DCT: variants seen among roughly 807,000 people sequenced by gnomAD.
The protein encoded by DCT is L-dopachrome tautomerase.
Under a neutral mutation model 53.0 loss-of-function variants are expected in DCT, and 47 were observed. That is an observed-to-expected ratio of 0.89 (90% CI 0.70 to 1.13). DCT has a LOEUF of 1.13. Among genes scored for constraint, DCT ranks in the 50% most tolerant of loss-of-function variants. The pLI, the probability that DCT is intolerant of heterozygous loss-of-function variation, is 0.00. For missense variants in DCT, 669 were observed against 637.4 expected (o/e 1.05, Z -0.53); for synonymous variants, 244 against 237.0 (o/e 1.03, Z -0.27).
intron 5 of DCT, among the ~76,000 whole-genome samples, 153 bp downstream of exon 5, chr13:94,461,857 C>A (rs1883810957): frequency 6.6e-6 from 1 of 152,110 alleles, no homozygotes. Context: ...TTTCCTCACA[C>A]CAATCCCTTG....
At chr13:94,523,773 A>T in the DCT span, among the ~76,000 whole-genome samples, 4 of 152,048 alleles carry the variant, frequency 2.6e-5, no homozygotes, top group East Asian at 7.7e-4. Context: ...ACACCCCCAC[A>T]TAAGCCCCCA....
intron 1 of DCT, among the ~76,000 whole-genome samples, chr13:94,478,206 G>A (rs1281667759): frequency 1.6e-5 from 2 of 123,332 alleles, no homozygotes; most frequent in Admixed American, 1.2e-4. Context: ...GCCACGTCTC[G>A]ACAATTTTGT....
chr13:94,472,274 A>G (rs1202921055), intron 1 of DCT, among the ~76,000 whole-genome samples: 1 of 151,772 alleles, frequency 6.6e-6, no homozygotes, highest in East Asian at 1.9e-4. Context: ...AAAGGTAGCC[A>G]ACACTAAACA....
At chr13:94,511,605 T>C in the DCT span, among the ~76,000 whole-genome samples, 1 of 151,944 alleles carries the variant, frequency 6.6e-6, no homozygotes, top group Admixed American at 6.6e-5. Flanking sequence ...AGTGATCCAC[T>C]TGCCTTGCCC....
At chr13:94,483,789 C>T (rs1885547074), upstream of DCT, among the ~76,000 whole-genome samples, 1 of 152,166 alleles carries the variant, frequency 6.6e-6, no homozygotes, top group Non-Finnish European at 1.5e-5. Context: ...CAGGTGTGAG[C>T]CACCGTGCCC....
At chr13:94,504,464 T>C in the DCT span, among the ~76,000 whole-genome samples, 76 of 152,284 alleles carry the variant, frequency 5.0e-4, no homozygotes, top group African/African-American at 1.6e-3. Context: ...ACCTCCCAGG[T>C]TCCAGTGATT....
At chr13:94,487,111 A>C in the DCT span, among the ~76,000 whole-genome samples, 1 of 152,248 alleles carries the variant, frequency 6.6e-6, no homozygotes, top group Non-Finnish European at 1.5e-5. Flanking sequence ...CAAAAGAGAA[A>C]GTCTTTGTTA....
At chr13:94,483,974 A>G (rs1203538556), upstream of DCT, among the ~76,000 whole-genome samples, 1 of 152,182 alleles carries the variant, frequency 6.6e-6, no homozygotes, top group African/African-American at 2.4e-5. Flanking sequence ...CTAGACAGTC[A>G]CATCACCTCA....
In DCT at chr13:94,466,578, A is replaced by C; in HGVS notation, c.676T>G (p.Cys226Gly). ...FVTWHRYHLL[C>G]LERDLQRLIG... ...CCTACCTGGAGATCTCTTTCCAGAC[A>C]CAACAAATGGTACCGGTGCCAGGTA... Residue 226 changes from cysteine to glycine, a missense_variant, in exon 3 of 8, where the codon TGT (cysteine) becomes GGT (glycine). Physicochemically the swap from Cys to Gly is radical, Grantham distance 159. Coordinates refer to ENST00000377028, the MANE Select transcript of DCT (RefSeq NM_001922.5). 1 of 1,609,482 alleles carries C rather than the reference A, an allele frequency of 6.2e-7. No individual in the cohort carries two copies. The highest frequency in any genetic ancestry group is 1.1e-5 in the South Asian group (1 of 90,078).
At chr13:94,441,132 C>A (rs1882280277) in intron 7 of DCT, among the ~76,000 whole-genome samples, 1 of 152,146 alleles carries the variant, frequency 6.6e-6, no homozygotes, top group Non-Finnish European at 1.5e-5. Flanking sequence ...CCTTTTTCTG[C>A]AATCCCATGG....
At chr13:94,457,322 C>T (rs1486189207) in intron 6 of DCT, among the ~76,000 whole-genome samples, 2 of 152,066 alleles carry the variant, frequency 1.3e-5, no homozygotes, top group East Asian at 3.9e-4. Flanking sequence ...AACCATAGGG[C>T]CCTGGATTAG....
chr13:94,441,837 C>T (rs1376135327), intron 7 of DCT, among the ~76,000 whole-genome samples: 2 of 152,128 alleles, frequency 1.3e-5, no homozygotes, highest in South Asian at 2.1e-4. Context: ...CTGGACCTTG[C>T]TTTCAGTTCT....
intron 6 of DCT, among the ~76,000 whole-genome samples, chr13:94,443,898 C>T (rs551351137): frequency 1.3e-5 from 2 of 152,152 alleles, no homozygotes; most frequent in African/African-American, 2.4e-5. Context: ...TCTCTCCAAG[C>T]AGGACTATAA....
chr13:94,458,190 A>T (rs1883534536), intron 6 of DCT, among the ~76,000 whole-genome samples: 1 of 152,086 alleles, frequency 6.6e-6, no homozygotes, highest in Non-Finnish European at 1.5e-5. Context: ...CTCTATCAAG[A>T]TACCCACTCA....
intron 4 of DCT, among the ~76,000 whole-genome samples, chr13:94,463,313 G>T: frequency 6.8e-6 from 1 of 146,122 alleles, no homozygotes. Flanking sequence ...TTGAGACAGA[G>T]TCTCACTCTG....
At chr13:94,494,327 C>T in the DCT span, among the ~76,000 whole-genome samples, 2 of 152,184 alleles carry the variant, frequency 1.3e-5, no homozygotes, top group Non-Finnish European at 2.9e-5. Context: ...CCCCAATCTG[C>T]ATCCTTTCAT....
At chr13:94,521,312 T>C in the DCT span, among the ~76,000 whole-genome samples, 4 of 152,228 alleles carry the variant, frequency 2.6e-5, no homozygotes, top group Non-Finnish European at 4.4e-5. Flanking sequence ...GTTACTATTA[T>C]TGTCAATAGA....
At chr13:94,500,200 G>C in the DCT span, among the ~76,000 whole-genome samples, 1 of 152,046 alleles carries the variant, frequency 6.6e-6, no homozygotes, top group African/African-American at 2.4e-5. Flanking sequence ...ACCTGTATTA[G>C]TCTGTTCTCA....
At chr13:94,451,959 A>G (rs1226991268) in intron 6 of DCT, among the ~76,000 whole-genome samples, 1 of 152,116 alleles carries the variant, frequency 6.6e-6, no homozygotes, top group African/African-American at 2.4e-5. Flanking sequence ...TCACAAACAA[A>G]AGTTATGAAG....
Sources: gnomAD v4.1 joint callset for allele counts (sites outside exome capture counted in the v4.1 genomes callset) on GRCh38, gnomAD v4.1.1 for gene constraint, MANE v1.5 for transcripts, NCBI Gene and HGNC (gene_info 2026-07-23, HGNC 2026-07-21) for gene names.